Variants in LRRC37A2 observed in about 807,000 individuals in gnomAD.
The protein encoded by LRRC37A2 is leucine rich repeat containing 37 member A2, also known as leucine-rich repeat-containing protein 37A2.
Under a neutral mutation model 68.8 loss-of-function variants are expected in LRRC37A2, and 9 were observed. The observed-to-expected ratio is 0.13, with a 90% CI of 0.08 to 0.23. LRRC37A2 has a LOEUF of 0.23. Among genes scored for constraint, LRRC37A2 ranks in the 10% least tolerant of loss-of-function variants. The pLI, the probability that LRRC37A2 is intolerant of heterozygous loss-of-function variation, is 1.00. For synonymous variants in LRRC37A2, 63 were observed against 367.6 expected, an observed-to-expected ratio of 0.17 and a Z score of 9.48; for missense variants, 168 against 950.4, an observed-to-expected ratio of 0.18 and a Z score of 10.82.
chr17:46,923,330 C>T, the LRRC37A2 span: 1 of 1,535,756 alleles, frequency 6.5e-7, no homozygotes, highest in East Asian at 2.5e-5. Context: ...CCGAGTTTTT[C>T]CGCCAGGGCA....
At chr17:46,755,757 A>AAT in the LRRC37A2 span, 1 of 1,461,100 alleles carries the variant, frequency 6.8e-7, no homozygotes, top group Non-Finnish European at 9.1e-7. Flanking sequence ...ATAGTTTTTT[A>AAT]CGGACCCTCA....
At chr17:46,830,963 A>G in the LRRC37A2 span, 4 of 393,602 alleles carry the variant, frequency 1.0e-5, no homozygotes, top group Non-Finnish European at 1.8e-5. Flanking sequence ...TTGCAGGGCC[A>G]TAGTGTCTGG....
the LRRC37A2 span, among the ~76,000 whole-genome samples, chr17:46,944,584 G>A: frequency 2.0e-5 from 3 of 151,562 alleles, no homozygotes; most frequent in African/African-American, 4.8e-5. Context: ...CTACAGTGGG[G>A]CCTGGGCTTC....
the LRRC37A2 span, among the ~76,000 whole-genome samples, chr17:46,948,396 A>G: frequency 5.9e-5 from 9 of 152,230 alleles, no homozygotes; most frequent in Admixed American, 2.0e-4. Flanking sequence ...ATTGTGAGTC[A>G]AGGATCTGAT....
the LRRC37A2 span, among the ~76,000 whole-genome samples, chr17:46,714,395 A>G: frequency 2.6e-5 from 4 of 152,322 alleles, no homozygotes; most frequent in East Asian, 7.7e-4. Context: ...TCAATGGGAA[A>G]ATAGTCCCAG....
chr17:46,952,606 C>T, the LRRC37A2 span: 2 of 152,234 alleles, frequency 1.3e-5, no homozygotes, highest in East Asian at 1.9e-4. Context: ...CTCCTTTAGT[C>T]CACTCTTAAC....
the LRRC37A2 span, among the ~76,000 whole-genome samples, chr17:46,795,593 G>A: frequency 6.6e-6 from 1 of 152,210 alleles, no homozygotes; most frequent in African/African-American, 2.4e-5. Context: ...AGCAACCACA[G>A]GTGTCCAGCC....
the LRRC37A2 span, among the ~76,000 whole-genome samples, chr17:46,817,037 G>A: frequency 2.4e-4 from 37 of 152,302 alleles, no homozygotes; most frequent in African/African-American, 8.9e-4. Context: ...GTGTGGGTTG[G>A]GCAGAAGAAA....
downstream of LRRC37A2, chr17:46,557,416 G>GGT (rs1235665249): frequency 1.7e-5 from 8 of 473,546 alleles, no homozygotes; most frequent in Middle Eastern, 4.8e-4. Context: ...GGAAACCGCT[G>GGT]CTGAGGTCCT....
the LRRC37A2 span, among the ~76,000 whole-genome samples, chr17:46,695,296 G>C: frequency 1.5e-5 from 2 of 137,118 alleles, no homozygotes; most frequent in Non-Finnish European, 3.1e-5. Context: ...GAGTTTCCAC[G>C]TACTAGAATT....
chr17:46,490,928 TC>T, the LRRC37A2 span, among the ~76,000 whole-genome samples: 1 of 150,228 alleles, frequency 6.7e-6, no homozygotes, highest in African/African-American at 2.5e-5. Flanking sequence ...TTTTTTCTCT[TC>T]TGTCACCCAG....
At chr17:46,922,025 C>T in the LRRC37A2 span, among the ~76,000 whole-genome samples, 6 of 152,184 alleles carry the variant, frequency 3.9e-5, no homozygotes, top group African/African-American at 1.4e-4. Flanking sequence ...TATAAAGACA[C>T]ATTTACATGT....
At chr17:46,845,520 T>C in the LRRC37A2 span, among the ~76,000 whole-genome samples, 1 of 149,136 alleles carries the variant, frequency 6.7e-6, no homozygotes, top group African/African-American at 2.5e-5. Context: ...GACAGAGTCT[T>C]GCTCTGTCAC....
At chr17:46,853,198 G>C in the LRRC37A2 span, among the ~76,000 whole-genome samples, 1 of 151,958 alleles carries the variant, frequency 6.6e-6, no homozygotes, top group Admixed American at 6.6e-5. Context: ...CCACTTGCTA[G>C]GTGTGCTCTT....
the LRRC37A2 span, among the ~76,000 whole-genome samples, chr17:46,824,952 T>A: frequency 5.3e-5 from 8 of 152,364 alleles, no homozygotes; most frequent in South Asian, 1.4e-3. Flanking sequence ...TGTTGGGAAG[T>A]CACTGCCACA....
the LRRC37A2 span, among the ~76,000 whole-genome samples, chr17:46,867,368 C>A: frequency 6.6e-6 from 1 of 152,346 alleles, no homozygotes; most frequent in East Asian, 1.9e-4. Flanking sequence ...TGAACCCAGG[C>A]AGTCTGGCTC....
At chr17:46,668,552 CA>C in the LRRC37A2 span, among the ~76,000 whole-genome samples, 1 of 57,322 alleles carries the variant, frequency 1.7e-5, no homozygotes, top group Non-Finnish European at 2.8e-5. Context: ...TTATTATAAC[CA>C]AGAGTTGTTA....
the LRRC37A2 span, among the ~76,000 whole-genome samples, chr17:46,975,904 G>GAAGA: frequency 6.6e-6 from 1 of 151,986 alleles, no homozygotes; most frequent in East Asian, 1.9e-4. Flanking sequence ...AGGAAGGAAG[G>GAAGA]AAAGAAAATG....
chr17:46,852,332 C>T, the LRRC37A2 span, among the ~76,000 whole-genome samples: 11 of 151,924 alleles, frequency 7.2e-5, no homozygotes, highest in African/African-American at 2.7e-4. Context: ...GCGACCACAT[C>T]TCAGACCTGG....
Sources: gnomAD v4.1 joint callset for allele counts (sites outside exome capture counted in the v4.1 genomes callset) on GRCh38, gnomAD v4.1.1 for gene constraint, MANE v1.5 for transcripts, NCBI Gene and HGNC (gene_info 2026-07-23, HGNC 2026-07-21) for gene names.